NELL1: variants seen among roughly 807,000 people sequenced by gnomAD.
The protein encoded by NELL1 is neural EGFL like 1.
A neutral mutation model predicts 107.4 loss-of-function variants in NELL1; 76 were observed. That is an observed-to-expected ratio of 0.71 (90% CI 0.59 to 0.86). NELL1 has a LOEUF of 0.86. NELL1 is among the 40% of genes least tolerant of loss of function. The pLI, the probability that NELL1 is intolerant of heterozygous loss-of-function variation, is 0.00. For synonymous variants in NELL1, 353 were observed against 341.2 expected, an observed-to-expected ratio of 1.03 and a Z score of -0.38; for missense variants, 1,024 against 1,005.5, an observed-to-expected ratio of 1.02 and a Z score of -0.25.
At chr11:21,127,638 G>A (rs1239739818) in intron 13 of NELL1, among the ~76,000 whole-genome samples, 2 of 151,976 alleles carry the variant, frequency 1.3e-5, no homozygotes, top group African/African-American at 2.4e-5. Context: ...AGGAAGAGGA[G>A]GAGGGGGAGG....
intron 15 of NELL1, among the ~76,000 whole-genome samples, chr11:21,402,550 G>A (rs1852122956): frequency 6.6e-6 from 1 of 151,496 alleles, no homozygotes; most frequent in African/African-American, 2.4e-5. Context: ...AGATTGCCAA[G>A]TATGATCATA....
At chr11:20,992,116 G>T (rs572421545) in intron 12 of NELL1, among the ~76,000 whole-genome samples, 2 of 151,942 alleles carry the variant, frequency 1.3e-5, no homozygotes, top group South Asian at 4.2e-4. Context: ...ACATAAGTAA[G>T]AACAATTTCT....
chr11:21,256,584 T>C (rs2133917094), intron 14 of NELL1, among the ~76,000 whole-genome samples: 1 of 152,148 alleles, frequency 6.6e-6, no homozygotes, highest in African/African-American at 2.4e-5. Context: ...GTCAGCTGTG[T>C]TCATGTTGGC....
chr11:21,073,998 A>C (rs1236863690), intron 12 of NELL1, among the ~76,000 whole-genome samples: 7 of 152,166 alleles, frequency 4.6e-5, no homozygotes, highest in Admixed American at 1.3e-4. Context: ...AATGTCAAGT[A>C]GTCAGAAATT....
intron 13 of NELL1, among the ~76,000 whole-genome samples, chr11:21,179,809 A>G (rs1399949215): frequency 1.3e-5 from 2 of 150,648 alleles, no homozygotes; most frequent in African/African-American, 4.9e-5. Context: ...TTATGTTTTT[A>G]ACCAAAATAT....
At chr11:20,699,626 G>A (rs1854719629) in intron 2 of NELL1, among the ~76,000 whole-genome samples, 6 of 152,024 alleles carry the variant, frequency 3.9e-5, no homozygotes, top group Admixed American at 3.9e-4. Flanking sequence ...CCAAAGTGCT[G>A]GGATTACAGG....
chr11:20,861,361 T>G (rs1404975343), intron 4 of NELL1, among the ~76,000 whole-genome samples: 1 of 152,222 alleles, frequency 6.6e-6, no homozygotes, highest in Non-Finnish European at 1.5e-5. Flanking sequence ...CGGGAACATA[T>G]TCAGGAGGAA....
intron 2 of NELL1, among the ~76,000 whole-genome samples, chr11:20,680,484 C>T (rs1854164140): frequency 6.6e-6 from 1 of 152,058 alleles, no homozygotes; most frequent in Non-Finnish European, 1.5e-5. Context: ...GGAAAAATTT[C>T]TCTTTATTGT....
intron 12 of NELL1, among the ~76,000 whole-genome samples, chr11:21,000,101 A>C (rs1325622642): frequency 6.6e-6 from 1 of 152,172 alleles, no homozygotes; most frequent in African/African-American, 2.4e-5. Context: ...ACTAAATCAC[A>C]GTGAAAGATG....
At chr11:20,970,990 T>G (rs1034045884) in intron 12 of NELL1, among the ~76,000 whole-genome samples, 1 of 152,210 alleles carries the variant, frequency 6.6e-6, no homozygotes, top group East Asian at 1.9e-4. Flanking sequence ...TAAAGCATCG[T>G]TGAGGTCATA....
At position 20,835,206 on chromosome 11, in the gene NELL1, T is replaced by G. The variant is rs150403415; in HGVS notation, c.336-12377T>G. Among the ~76,000 whole-genome samples, 59 of 152,330 alleles carry G rather than the reference T, an allele frequency of 3.9e-4. No individual in the cohort carries two copies. The East Asian group carries it at 0.011, about 29-fold the overall frequency. On this transcript the variant is annotated intron_variant, in intron 3 of 19. Transcript: ENST00000357134. ...TCTCACATCACCGTTCAAGATTGGATCTCCTCTCCTCGTTTTAAAGGTCAA... is the reference window on the plus strand; with the variant it reads ...TCTCACATCACCGTTCAAGATTGGAGCTCCTCTCCTCGTTTTAAAGGTCAA...
chr11:20,912,479 G>A (rs1003918820), intron 5 of NELL1, among the ~76,000 whole-genome samples: 3 of 152,024 alleles, frequency 2.0e-5, no homozygotes, highest in African/African-American at 7.2e-5. Context: ...AATTTCAGAG[G>A]GTGAAAAATA....
At chr11:20,805,006 T>A (rs1359757287) in intron 3 of NELL1, among the ~76,000 whole-genome samples, 1 of 152,230 alleles carries the variant, frequency 6.6e-6, no homozygotes, top group Non-Finnish European at 1.5e-5. Context: ...TCTTGCTTAA[T>A]CTTTATCATT....
intron 13 of NELL1, among the ~76,000 whole-genome samples, chr11:21,221,992 C>T (rs1005185383): frequency 1.3e-5 from 2 of 151,972 alleles, no homozygotes; most frequent in African/African-American, 2.4e-5. Flanking sequence ...CTGTATCCGG[C>T]CTAGTTGAAT....
intron 4 of NELL1, among the ~76,000 whole-genome samples, chr11:20,866,120 C>G (rs1849090336): frequency 1.3e-5 from 2 of 152,146 alleles, no homozygotes; most frequent in South Asian, 4.1e-4. Context: ...ATGTACTGTG[C>G]ACAAAGGAGG....
chr11:20,922,442 G>A (rs1850399942), intron 7 of NELL1, among the ~76,000 whole-genome samples: 1 of 151,988 alleles, frequency 6.6e-6, no homozygotes, highest in Admixed American at 6.6e-5. Context: ...CTGCCGTCTT[G>A]GTGGAGGCGA....
chr11:20,994,513 G>C (rs1040991248), intron 12 of NELL1, among the ~76,000 whole-genome samples: 2 of 152,074 alleles, frequency 1.3e-5, no homozygotes, highest in Non-Finnish European at 2.9e-5. Flanking sequence ...TTAAAAACAA[G>C]AAAGAACAAC....
chr11:21,199,128 A>G (rs1300202412), intron 13 of NELL1, among the ~76,000 whole-genome samples: 1 of 152,118 alleles, frequency 6.6e-6, no homozygotes, highest in Non-Finnish European at 1.5e-5. Context: ...AATTATCATG[A>G]TATATTTATC....
chr11:21,220,860 T>G lies in NELL1; in HGVS notation c.1427-8472T>G, dbSNP rs552712171. ...TTTTTCCTATGTGGATTCCCTTTAT[T>G]TATTTCCCTTGTCTAATTGCTCTGG... On this transcript the variant is annotated intron_variant, in intron 13 of 19. Transcript: ENST00000357134. Among the ~76,000 whole-genome samples the G allele has an allele frequency of 1.5e-3, 222 of 152,330 alleles. 4 individuals carry two copies. The South Asian group carries it at 0.044, about 30-fold the overall frequency.
Sources: allele counts gnomAD v4.1 joint callset (sites outside exome capture counted in the v4.1 genomes callset), GRCh38; gene constraint gnomAD v4.1.1; transcripts MANE v1.5; gene names NCBI Gene and HGNC (gene_info 2026-07-23, HGNC 2026-07-21).